The following VPS8 variants were observed in gnomAD, a reference collection of about 807,000 sequenced individuals.
The protein encoded by VPS8 is vacuolar protein sorting-associated protein 8 homolog.
Under a neutral mutation model 216.4 loss-of-function variants are expected in VPS8, and 129 were observed. The observed-to-expected ratio is 0.60, with a 90% CI of 0.52 to 0.69. The LOEUF (loss-of-function observed/expected upper bound fraction) is 0.69. Among genes scored for constraint, VPS8 ranks in the 30% least tolerant of loss-of-function variants. The probability of loss-of-function intolerance (pLI) is 0.00; values close to 1 mark genes in which losing one functional copy is unlikely to be tolerated. For missense variants in VPS8, 1,531 were observed against 1,683.5 expected (o/e 0.91, Z 1.59); for synonymous variants, 571 against 565.4 (o/e 1.01, Z -0.14).
intron 28 of VPS8, among the ~76,000 whole-genome samples, chr3:184,917,740 A>G (rs566521945): frequency 6.6e-6 from 1 of 152,346 alleles, no homozygotes; most frequent in South Asian, 2.1e-4. Flanking sequence ...AGTTGGTAGC[A>G]ATTGAAGCCT....
chr3:185,017,058 CT>C (rs1483673280), intron 45 of VPS8, among the ~76,000 whole-genome samples: 2 of 151,922 alleles, frequency 1.3e-5, no homozygotes, highest in Non-Finnish European at 2.9e-5. Context: ...CATATGTTGC[CT>C]TTGAGGGCTA....
intron 22 of VPS8, chr3:184,893,407 C>A: frequency 9.7e-7 from 1 of 1,032,280 alleles, no homozygotes; most frequent in Non-Finnish European, 1.2e-6. Context: ...TAAATAATCT[C>A]AACAGGTAAA....
chr3:184,994,057 T>C lies in VPS8; in HGVS notation c.3660T>C (p.Tyr1220=), dbSNP rs371385529. ...TGGGAATGTTAGATACCTTTAACTA[T>C]GAACAAGTAAGTAAGCTACTTGTTA... The part of the protein sequence containing the change: ...LILGMLDTFN[Y]EQTLLETTTS... Residue 1220 remains tyrosine, a synonymous_variant, in exon 43 of 48, where the codon TAT becomes TAC. Coordinates refer to ENST00000625842, the MANE Select transcript of VPS8 (RefSeq NM_001009921.3). The C allele has an allele frequency of 1.4e-5, 22 of 1,550,666 alleles. No individual in the cohort carries two copies. Among genetic ancestry groups the C allele is most frequent in the Non-Finnish European group, 1.9e-5 (22 of 1,149,586 alleles).
chr3:185,048,706 C>T, intron 47 of VPS8, 147 bp downstream of exon 47: 1 of 817,426 alleles, frequency 1.2e-6, no homozygotes, highest in South Asian at 1.8e-5. Context: ...GACAACAGAC[C>T]CTGGCCCCAA....
At chr3:184,970,780 A>G (rs1013976203) in intron 39 of VPS8, among the ~76,000 whole-genome samples, 2 of 152,168 alleles carry the variant, frequency 1.3e-5, no homozygotes, top group African/African-American at 4.8e-5. Context: ...TAGTGACAGT[A>G]TATAAGAGGA....
intron 7 of VPS8, among the ~76,000 whole-genome samples, chr3:184,840,755 TG>T (rs57695506): frequency 6.0e-5 from 9 of 151,182 alleles, no homozygotes; most frequent in African/African-American, 1.7e-4. Context: ...TTAGTTTTTT[TG>T]GGGGGGGTCA....
At chr3:184,970,172 A>G (rs1560922480) in intron 39 of VPS8, among the ~76,000 whole-genome samples, 1 of 152,040 alleles carries the variant, frequency 6.6e-6, no homozygotes, top group Non-Finnish European at 1.5e-5. Context: ...TCGGCCTCCC[A>G]AAGTGCTGGG....
intron 24 of VPS8, among the ~76,000 whole-genome samples, chr3:184,899,620 G>T (rs1734122229): frequency 6.6e-6 from 1 of 152,146 alleles, no homozygotes; most frequent in Non-Finnish European, 1.5e-5. Flanking sequence ...ACACCTCTCG[G>T]CTGCTCCTTC....
intron 15 of VPS8, among the ~76,000 whole-genome samples, chr3:184,862,165 T>A (rs1375496901): frequency 6.6e-6 from 1 of 152,222 alleles, no homozygotes; most frequent in Non-Finnish European, 1.5e-5. Flanking sequence ...GGGGACGCAC[T>A]TCGTTCTGGC....
intron 19 of VPS8, 42 bp from the exon 20 acceptor site, chr3:184,869,439 TG>T (rs1560461715): frequency 1.3e-6 from 2 of 1,599,858 alleles, no homozygotes; most frequent in Non-Finnish European, 1.7e-6. Flanking sequence ...CCTAAAGATG[TG>T]GACTAACTTT....
intron 25 of VPS8, among the ~76,000 whole-genome samples, chr3:184,906,987 C>G (rs747666863): frequency 3.9e-5 from 6 of 152,188 alleles, no homozygotes; most frequent in Admixed American, 1.3e-4. Context: ...TAGGCCAGGT[C>G]TCAGTCTGTT....
intron 21 of VPS8, among the ~76,000 whole-genome samples, chr3:184,883,742 T>TC (rs1323324872): frequency 6.6e-6 from 1 of 152,122 alleles, no homozygotes; most frequent in African/African-American, 2.4e-5. Flanking sequence ...GATTTCACAC[T>TC]CCATTAAGCC....
intron 24 of VPS8, among the ~76,000 whole-genome samples, chr3:184,900,383 T>C (rs1209300728): frequency 6.6e-6 from 1 of 152,184 alleles, no homozygotes; most frequent in South Asian, 2.1e-4. Context: ...TGGGAAAGCA[T>C]GGAAAGTTCT....
chr3:184,975,875 T>C (rs892413487), intron 40 of VPS8, among the ~76,000 whole-genome samples: 1 of 152,144 alleles, frequency 6.6e-6, no homozygotes, highest in Non-Finnish European at 1.5e-5. Flanking sequence ...TGTTGAATCC[T>C]TGCATTTCTA....
At chr3:185,026,253 A>G (rs1268243187) in intron 46 of VPS8, among the ~76,000 whole-genome samples, 2 of 152,186 alleles carry the variant, frequency 1.3e-5, no homozygotes, top group Non-Finnish European at 2.9e-5. Flanking sequence ...ATTGGGTATT[A>G]TAAGTAATCT....
At chr3:184,919,347 A>G (rs1171449170) in intron 28 of VPS8, among the ~76,000 whole-genome samples, 4 of 152,366 alleles carry the variant, frequency 2.6e-5, no homozygotes, top group Admixed American at 6.5e-5. Context: ...TGAAAACCAT[A>G]GGAACTATCT....
chr3:184,919,378 ATTG>A (rs1738205578), intron 28 of VPS8, among the ~76,000 whole-genome samples: 1 of 152,178 alleles, frequency 6.6e-6, no homozygotes, highest in African/African-American at 2.4e-5. Flanking sequence ...CATCATTCTT[ATTG>A]TTCAGTAAAA....
rs181950682 is a variant in VPS8 at position 184,958,671 on chromosome 3, C to A, written c.3183+1150C>A. ...AAAAGCAGTTTTAATTTCAGTGATTCCAAGTCAGAAAAATGGGAGAAAATG... is the reference window on the plus strand; with the variant it reads ...AAAAGCAGTTTTAATTTCAGTGATTACAAGTCAGAAAAATGGGAGAAAATG... On this transcript the variant is annotated intron_variant, in intron 37 of 47. Coordinates refer to ENST00000625842, the MANE Select transcript of VPS8 (RefSeq NM_001009921.3). Among the ~76,000 whole-genome samples the A allele has an allele frequency of 3.8e-3, 575 of 152,184 alleles. 3 individuals are homozygous for A. The highest frequency in any genetic ancestry group is 0.013 in the African/African-American group (552 of 41,546).
chr3:185,026,729 G>A (rs1427966345), intron 46 of VPS8, among the ~76,000 whole-genome samples: 1 of 91,730 alleles, frequency 1.1e-5, no homozygotes, highest in African/African-American at 4.4e-5. Flanking sequence ...TTTTTTTTGA[G>A]ACAGAGTCTC....
Sources: allele counts gnomAD v4.1 joint callset (sites outside exome capture counted in the v4.1 genomes callset), GRCh38; gene constraint gnomAD v4.1.1; transcripts MANE v1.5; gene names NCBI Gene and HGNC (gene_info 2026-07-23, HGNC 2026-07-21).